The following LRRC75A variants were observed in gnomAD, a reference collection of about 807,000 sequenced individuals.
LRRC75A encodes leucine rich repeat containing 75A, also known as leucine-rich repeat-containing protein 75A.
Under a neutral mutation model 26.0 loss-of-function variants are expected in LRRC75A, and 12 were observed. The observed-to-expected ratio is 0.46, with a 90% CI of 0.30 to 0.75. The LOEUF (loss-of-function observed/expected upper bound fraction) is 0.75, where lower values mean the gene tolerates loss of function less well. LRRC75A is among the 30% of genes least tolerant of loss of function. The probability of loss-of-function intolerance (pLI) is 0.08; values close to 1 mark genes in which losing one functional copy is unlikely to be tolerated. For synonymous variants in LRRC75A, 223 were observed against 219.3 expected (o/e 1.02, Z -0.15); for missense variants, 410 against 486.6 (o/e 0.84, Z 1.48).
intron 2 of LRRC75A, among the ~76,000 whole-genome samples, chr17:16,461,635 G>C (rs989223598): frequency 6.6e-6 from 1 of 152,230 alleles, no homozygotes; most frequent in Non-Finnish European, 1.5e-5. Flanking sequence ...AGGGGTGGGT[G>C]TCAAAGGACA....
chr17:16,479,465 C>T (rs2093828524), intron 1 of LRRC75A, among the ~76,000 whole-genome samples: 1 of 152,246 alleles, frequency 6.6e-6, no homozygotes. Context: ...ATGTACTGCA[C>T]AAGGGTGTCT....
At chr17:16,446,026 A>G (rs1165274879) in intron 3 of LRRC75A, among the ~76,000 whole-genome samples, 2 of 152,232 alleles carry the variant, frequency 1.3e-5, no homozygotes, top group African/African-American at 4.8e-5. Flanking sequence ...CTCCTGCCTC[A>G]GCCTTCTGAG....
intron 1 of LRRC75A, among the ~76,000 whole-genome samples, chr17:16,473,440 G>A (rs148105561): frequency 6.6e-6 from 1 of 152,288 alleles, no homozygotes; most frequent in East Asian, 1.9e-4. Context: ...GGCATTGCCC[G>A]GCTCCTGGTC....
chr17:16,472,111 T>C (rs1444344238), intron 1 of LRRC75A, among the ~76,000 whole-genome samples: 1 of 152,104 alleles, frequency 6.6e-6, no homozygotes, highest in Non-Finnish European at 1.5e-5. Context: ...GAGCTCACTG[T>C]CACTGGAAGG....
Position 16,443,741 on chromosome 17 carries a change from G to A in LRRC75A, c.882C>T (p.His294=), listed in dbSNP as rs2093554640. 6.2e-7 allele frequency: 1 copy of A among 1,613,722 alleles called. No individual in the cohort carries two copies. Among genetic ancestry groups the A allele is most frequent in the African/African-American group, 1.3e-5 (1 of 75,038 alleles). Residue 294 remains histidine (H), a synonymous_variant, in exon 4 of 4, where the codon CAC becomes CAT. Coordinates refer to ENST00000470794, the MANE Select transcript of LRRC75A (RefSeq NM_001113567.3). ...CACCCAGCTCCAGGATGGTGGGTAG[G>A]TGGCCCTGCTTTGGGGAGCGCTTGC... ...SLRKRSPKQG[H]LPTILELGEG...
chr17:16,478,336 C>CT (rs1383407851), intron 1 of LRRC75A: 1 of 152,060 alleles, frequency 6.6e-6, no homozygotes, highest in Non-Finnish European at 1.5e-5. Flanking sequence ...TAGGCACACA[C>CT]TACCACGCTC....
At chr17:16,469,617 C>T (rs533455342) in intron 1 of LRRC75A, among the ~76,000 whole-genome samples, 21 of 152,356 alleles carry the variant, frequency 1.4e-4, no homozygotes, top group African/African-American at 4.3e-4. Context: ...GAGTCTCAGG[C>T]ACTGTGCTTA....
chr17:16,450,965 G>A (rs151193498), intron 2 of LRRC75A, among the ~76,000 whole-genome samples: 1 of 152,128 alleles, frequency 6.6e-6, no homozygotes, highest in African/African-American at 2.4e-5. Context: ...GAAGGCAGGA[G>A]GGGGGTGACC....
Position 16,443,965 on chromosome 17 carries a change from G to C in LRRC75A, c.658C>G (p.Leu220Val), listed in dbSNP as rs200161355. 1.2e-6 allele frequency: 2 copies of C among 1,613,538 alleles called. No individual in the cohort carries two copies. Among genetic ancestry groups the C allele is most frequent in the East Asian group, 4.5e-5 (2 of 44,882 alleles). ...GTGCTGAGTGCTGGCAGCAGCTGCA[G>C]GACCATGTCGTCCGTGAGGCCTGTG... Reference protein sequence around the residue: ...GFTGLTDDMVLQLLPALSTLP... With the variant: ...GFTGLTDDMVVQLLPALSTLP... The change falls in exon 4 of 4, where the codon CTG (leucine) becomes GTG (valine). Residue 220 changes from leucine to valine, a missense_variant. Physicochemically the swap from Leu to Val is conservative, Grantham distance 32. Coordinates refer to ENST00000470794, the MANE Select transcript of LRRC75A (RefSeq NM_001113567.3).
At chr17:16,457,841 G>A (rs2093697082) in intron 2 of LRRC75A, among the ~76,000 whole-genome samples, 1 of 151,864 alleles carries the variant, frequency 6.6e-6, no homozygotes, top group Non-Finnish European at 1.5e-5. Context: ...AGGCATGGTG[G>A]TGCCTGCCTG....
rs1386860265 is a variant in LRRC75A, at chr17:16,456,241, GAGA to G, written c.375+6014_375+6016del. Among the ~76,000 whole-genome samples the G allele has an allele frequency of 1.7e-4, 23 of 138,170 alleles. 1 individual carries two copies. The highest frequency in any genetic ancestry group is 3.3e-4 in the African/African-American group (12 of 36,328). The allele number at this position is 138,170 out of a possible 152,430, so 90.6% of individuals were successfully genotyped here. On this transcript the variant is annotated intron_variant, in intron 2 of 3. Coordinates refer to ENST00000470794, the MANE Select transcript of LRRC75A (RefSeq NM_001113567.3). ...GAGGAGGAAGAAGAGGAGAAAGGAGGAGAAGAAGGAAGAGGATCAGGAAGAGGA... is the reference window on the plus strand; with the variant it reads ...GAGGAGGAAGAAGAGGAGAAAGGAGGAGAAGGAAGAGGATCAGGAAGAGGA...
At position 16,488,190 on chromosome 17, in the gene LRRC75A, A is replaced by ATCAG. The variant is rs376730747; in HGVS notation, c.246+3554_246+3555insCTGA. Among the ~76,000 whole-genome samples the ATCAG allele has an allele frequency of 2.6e-3, 390 of 152,338 alleles. 1 individual carries two copies. The highest frequency in any genetic ancestry group is 8.7e-3 in the African/African-American group (361 of 41,564). ...GGGCTCCTTAAAGACAGCAGGCCTG[A>ATCAG]GCCCAAGGGGAAGGACATCTGGGGA... On this transcript the variant is annotated intron_variant, in intron 1 of 3. Coordinates refer to ENST00000470794, the MANE Select transcript of LRRC75A (RefSeq NM_001113567.3).
At chr17:16,466,956 G>C (rs2093774288) in intron 1 of LRRC75A, among the ~76,000 whole-genome samples, 1 of 151,772 alleles carries the variant, frequency 6.6e-6, no homozygotes. Context: ...TGTGATGCCA[G>C]ATTTTCTTCA....
chr17:16,453,312 GCACA>G (rs1491360189), intron 2 of LRRC75A, among the ~76,000 whole-genome samples: 1 of 64,854 alleles, frequency 1.5e-5, no homozygotes, highest in African/African-American at 4.1e-5. Flanking sequence ...ACACACACAC[GCACA>G]CACGCACACA....
intron 2 of LRRC75A, among the ~76,000 whole-genome samples, chr17:16,448,994 G>A (rs1449060315): frequency 1.3e-5 from 2 of 152,304 alleles, no homozygotes; most frequent in South Asian, 2.1e-4. Context: ...AACAGTCCCC[G>A]GAGCCAAACT....
At chr17:16,455,334 G>A (rs1045219265) in intron 2 of LRRC75A, among the ~76,000 whole-genome samples, 4 of 151,852 alleles carry the variant, frequency 2.6e-5, no homozygotes, top group South Asian at 4.1e-4. Flanking sequence ...AGGAGTGTCA[G>A]CCATGACCCT....
chr17:16,482,781 T>C (rs16959749), intron 1 of LRRC75A, among the ~76,000 whole-genome samples: 23,154 of 152,232 alleles, frequency 0.15, 3,358 homozygotes, highest in African/African-American at 0.39. Context: ...GAAATTAGCA[T>C]CTTGGCCGGC....
chr17:16,470,421 A>C (rs895573949), intron 1 of LRRC75A: 3 of 152,146 alleles, frequency 2.0e-5, no homozygotes, highest in African/African-American at 7.2e-5. Flanking sequence ...CGCATGTGCA[A>C]AGCTACTTAA....
At chr17:16,445,242 T>C (rs1156634726) in intron 3 of LRRC75A, among the ~76,000 whole-genome samples, 1 of 142,632 alleles carries the variant, frequency 7.0e-6, no homozygotes, top group Non-Finnish European at 1.5e-5. Flanking sequence ...TTCTGCTCAC[T>C]GCAATCTCCA....
Sources: allele counts gnomAD v4.1 joint callset (sites outside exome capture counted in the v4.1 genomes callset), GRCh38; gene constraint gnomAD v4.1.1; transcripts MANE v1.5; gene names NCBI Gene and HGNC (gene_info 2026-07-23, HGNC 2026-07-21).